The following UNKL variants were observed in gnomAD, a reference collection of about 807,000 sequenced individuals.
UNKL encodes the protein unk like zinc finger.
UNKL carries 60 observed loss-of-function variants against 78.0 expected under a neutral mutation model. The observed-to-expected ratio is 0.77, with a 90% CI of 0.63 to 0.95. UNKL has a LOEUF of 0.95. Among genes scored for constraint, UNKL ranks in the 40% least tolerant of loss-of-function variants. The pLI is 0.00. For missense variants in UNKL, 1,159 were observed against 1,045.7 expected, an observed-to-expected ratio of 1.11 and a Z score of -1.49; for synonymous variants, 608 against 474.8, an observed-to-expected ratio of 1.28 and a Z score of -3.65.
intron 2 of UNKL, chr16:1,407,336 A>G (rs2037813223): frequency 6.6e-6 from 1 of 152,308 alleles, no homozygotes; most frequent in Non-Finnish European, 1.5e-5. Context: ...CACCTGCCGG[A>G]CGACAGAGGC....
intron 12 of UNKL, 79 bp downstream of exon 12, chr16:1,370,051 C>T: frequency 6.4e-7 from 1 of 1,550,704 alleles, no homozygotes; most frequent in Non-Finnish European, 8.7e-7. Flanking sequence ...GTGTGAGGCC[C>T]CTCAGTCAGG....
intron 2 of UNKL, among the ~76,000 whole-genome samples, chr16:1,410,635 T>A (rs2037998640): frequency 6.6e-6 from 1 of 151,940 alleles, no homozygotes; most frequent in Non-Finnish European, 1.5e-5. Flanking sequence ...TGGAGTGGGG[T>A]CAGACAGGCT....
At chr16:1,389,867 G>C (rs1472034279) in intron 9 of UNKL, among the ~76,000 whole-genome samples, 2 of 152,190 alleles carry the variant, frequency 1.3e-5, no homozygotes, top group African/African-American at 2.4e-5. Flanking sequence ...CCAGGCTGGA[G>C]TGCTTGGCTC....
chr16:1,393,455 C>G (rs1010815816), intron 7 of UNKL, among the ~76,000 whole-genome samples: 2 of 149,398 alleles, frequency 1.3e-5, no homozygotes, highest in Non-Finnish European at 3.0e-5. Context: ...GAGGAGGCCG[C>G]GTGGGTTCCC....
intron 10 of UNKL, among the ~76,000 whole-genome samples, chr16:1,376,809 T>C (rs1002185111): frequency 2.6e-5 from 4 of 152,024 alleles, no homozygotes; most frequent in Non-Finnish European, 5.9e-5. Context: ...CAGTAAGAGA[T>C]TAACAAGATT....
chr16:1,397,343 C>CTTCACGCTGGGG, intron 5 of UNKL, 48 bp from the exon 6 acceptor site: 1 of 351,946 alleles, frequency 2.8e-6, no homozygotes, highest in East Asian at 1.0e-4. Context: ...TGGCTCCCCG[C>CTTCACGCTGGGG]CCCCCACCCC....
In UNKL at chr16:1,392,975, C is replaced by T; in HGVS notation, c.939G>A (p.Lys313=). Residue 313 remains lysine, a splice_region_variant and synonymous_variant, in exon 8 of 15, where the codon AAG becomes AAA. Transcript: ENST00000389221. The part of the protein sequence containing the change: ...GPFCAFAHVE[K]SLGMVNEWGC... ...CCCATTCATTCACCATCCCCAGGCT[C>T]TCTGCAAGGACAGGGGAGCAGCAGA... 1 of 1,550,526 alleles carries T rather than the reference C, an allele frequency of 6.4e-7. No homozygotes were observed. Among genetic ancestry groups the T allele is most frequent in the Non-Finnish European group, 8.7e-7 (1 of 1,146,984 alleles).
At chr16:1,410,318 C>T (rs1183982320) in intron 2 of UNKL, among the ~76,000 whole-genome samples, 1 of 151,120 alleles carries the variant, frequency 6.6e-6, no homozygotes, top group Non-Finnish European at 1.5e-5. Flanking sequence ...GCATTAAAAG[C>T]ATCACCTGGC....
intron 6 of UNKL, among the ~76,000 whole-genome samples, chr16:1,396,644 A>G (rs1416821610): frequency 1.3e-5 from 2 of 151,870 alleles, no homozygotes; most frequent in South Asian, 4.1e-4. Context: ...CCCAGGCCAG[A>G]GTGCAGTGGC....
At chr16:1,379,659 C>T in intron 10 of UNKL, 1 of 984,722 alleles carries the variant, frequency 1.0e-6, no homozygotes, top group Non-Finnish European at 1.2e-6. Context: ...CCGCGGCCGC[C>T]CCGCGCCGCC....
At position 1,401,576 on chromosome 16, in the gene UNKL, C is replaced by T. The variant is rs760402768; in HGVS notation, c.590G>A (p.Arg197Gln). 47 of 1,587,514 alleles carry T rather than the reference C, an allele frequency of 3.0e-5. 1 individual carries two copies. Among genetic ancestry groups the T allele is most frequent in the Non-Finnish European group, 3.7e-5 (43 of 1,164,250 alleles). Residue 197 changes from arginine to glutamine, a missense_variant, in exon 4 of 15, where the codon CGG becomes CAG. Transcript: ENST00000389221. ...MIEKILSEDP[R>Q]WQDANFVLGS... ...TGCGGCCGTGGAGTTACCTTGCCAC[C>T]GGGGGTCCTCGCTCAGGATCTTCTC... is the stretch of plus-strand genomic sequence containing the variant.
intron 9 of UNKL, among the ~76,000 whole-genome samples, chr16:1,390,287 G>A (rs1309648740): frequency 6.6e-6 from 1 of 152,190 alleles, no homozygotes; most frequent in Non-Finnish European, 1.5e-5. Context: ...TGCCCGGCAA[G>A]TTCTGCTGTT....
intron 10 of UNKL, among the ~76,000 whole-genome samples, chr16:1,376,146 C>G (rs566358135): frequency 1.3e-4 from 19 of 145,232 alleles, no homozygotes; most frequent in African/African-American, 4.8e-4. Flanking sequence ...CCCTCCAGGG[C>G]TGGGGCGCTC....
Position 1,390,578 on chromosome 16 carries a change from C to G in UNKL, c.1086+54G>C, listed in dbSNP as rs564094714. 1.1e-4 allele frequency: 173 copies of G among 1,524,398 alleles called. 2 individuals carry two copies. In the South Asian group the frequency reaches 1.9e-3, roughly 17 times the overall value. The allele number at this position is 1,524,398 out of a possible 1,614,324, so 94.4% of individuals were successfully genotyped here. On this transcript the variant is annotated intron_variant, in intron 9 of 14. Transcript: ENST00000389221. The stretch of plus-strand genomic sequence containing the variant: ...CGGGTCAGGCACGAGGGCGGGAAGC[C>G]TCAGCCCTAACGCGACATCAGGCAC...
Position 1,366,312 on chromosome 16 carries a change from G to A in UNKL, c.2130C>T (p.His710=). The change falls in exon 15 of 15, where the codon CAC becomes CAT. Residue 710 remains histidine, a synonymous_variant. Transcript: ENST00000389221. ...HGAVLRPCQH[H]ILCEPCAATA... ...TGGCCGCACACGGCTCACAGAGGAT[G>A]TGGTGCTGACAGGGCCGCAGGACAG... 7 of 1,603,166 alleles carry A rather than the reference G, an allele frequency of 4.4e-6. No individual in the cohort carries two copies. The highest frequency in any genetic ancestry group is 6.0e-6 in the Non-Finnish European group (7 of 1,176,190).
rs544436202 is a variant in UNKL, at chr16:1,399,034, C to T, written c.734+340G>A. The stretch of plus-strand genomic sequence containing the variant: ...AGCATGCAGCCCACAGGCTGGAGAG[C>T]GTGGCTGCAACCAGAGGCACGGGTG... On this transcript the variant is annotated intron_variant, in intron 5 of 14. Coordinates refer to ENST00000389221, the MANE Select transcript of UNKL (RefSeq NM_001372107.1). This position sits in a 1 kb window ranked among gnomAD's most constrained non-coding sequence, Gnocchi z 5.8. 61 of 1,436,256 alleles carry T rather than the reference C, an allele frequency of 4.2e-5. No individual in the cohort carries two copies. Among genetic ancestry groups the T allele is most frequent in the Non-Finnish European group, 5.1e-5 (56 of 1,093,020 alleles). The allele number at this position is 1,436,256 out of a possible 1,614,324, so 89.0% of individuals were successfully genotyped here. A position where few individuals can be genotyped will look rare whatever the true frequency, so the allele number is the denominator to read the frequency against.
chr16:1,379,763 C>CCCCCGTCGCACTGGCCACG, intron 10 of UNKL: 7 of 14,876 alleles, frequency 4.7e-4, no homozygotes, highest in Non-Finnish European at 6.0e-4. Context: ...ACTGGCCACG[C>CCCCCGTCGCACTGGCCACG]CCCCCGCGCT....
chr16:1,398,636 G>A, intron 5 of UNKL: 1 of 1,440,804 alleles, frequency 6.9e-7, no homozygotes, highest in African/African-American at 1.4e-5. Context: ...GCCTCAGGGA[G>A]GCCAAGGCCA....
chr16:1,370,979 A>T lies in UNKL; in HGVS notation c.1357+540T>A, dbSNP rs77243043. ...GCACCTGTAGTCCCAGCTACTCCGG[A>T]GGCTGAGGCAGGAGAATGGCGTGAA... On this transcript the variant is annotated intron_variant, in intron 11 of 14. Coordinates refer to ENST00000389221, the MANE Select transcript of UNKL (RefSeq NM_001372107.1). Among the ~76,000 whole-genome samples the T allele has an allele frequency of 6.0e-3, 895 of 148,052 alleles. 10 individuals are homozygous for T. The highest frequency in any genetic ancestry group is 0.022 in the African/African-American group (860 of 39,874).
Sources: allele counts gnomAD v4.1 joint callset (sites outside exome capture counted in the v4.1 genomes callset), GRCh38; gene constraint gnomAD v4.1.1; non-coding constraint Gnocchi (gnomAD v3.1); transcripts MANE v1.5; gene names NCBI Gene and HGNC (gene_info 2026-07-23, HGNC 2026-07-21).